CNTNAP2: variants seen among roughly 807,000 people sequenced by gnomAD.
The protein encoded by CNTNAP2 is contactin-associated protein-like 2.
CNTNAP2 carries 98 observed loss-of-function variants against 155.2 expected under a neutral mutation model. That is an observed-to-expected ratio of 0.63 (90% CI 0.54 to 0.75). CNTNAP2 has a LOEUF of 0.75. Ranked by LOEUF, CNTNAP2 falls within the 30% of genes least tolerant of loss-of-function variation. The pLI is 0.00. For synonymous variants in CNTNAP2, 651 were observed against 631.2 expected, an observed-to-expected ratio of 1.03 and a Z score of -0.47; for missense variants, 1,727 against 1,688.1, an observed-to-expected ratio of 1.02 and a Z score of -0.40.
chr7:147,145,005 T>TC (rs1393095969), intron 8 of CNTNAP2, among the ~76,000 whole-genome samples: 14 of 152,206 alleles, frequency 9.2e-5, no homozygotes, highest in African/African-American at 3.4e-4. Context: ...GTTTGAATGA[T>TC]TTAGAATAGA....
chr7:147,420,896 A>G (rs549507415), intron 10 of CNTNAP2, among the ~76,000 whole-genome samples: 1 of 152,142 alleles, frequency 6.6e-6, no homozygotes, highest in Non-Finnish European at 1.5e-5. Context: ...GTCCTCGGAG[A>G]ATACAAAATT....
chr7:147,983,469 A>C (rs1801568229), intron 15 of CNTNAP2, among the ~76,000 whole-genome samples: 1 of 45,258 alleles, frequency 2.2e-5, no homozygotes. Context: ...ATAAATAAAA[A>C]AGTACCCTGT....
chr7:146,518,116 T>C (rs761529811), intron 1 of CNTNAP2, among the ~76,000 whole-genome samples: 20 of 151,910 alleles, frequency 1.3e-4, no homozygotes, highest in Non-Finnish European at 2.2e-4. Flanking sequence ...TTCAGTTCAG[T>C]TTTAATTTTT....
intron 13 of CNTNAP2, among the ~76,000 whole-genome samples, chr7:147,854,178 C>T (rs553265800): frequency 6.6e-6 from 1 of 152,206 alleles, no homozygotes; most frequent in South Asian, 2.1e-4. Flanking sequence ...CTTCCTCTTT[C>T]TGAGGGAAAG....
chr7:146,711,203 C>T (rs1302829666), intron 1 of CNTNAP2, among the ~76,000 whole-genome samples: 1 of 148,518 alleles, frequency 6.7e-6, no homozygotes, highest in African/African-American at 2.5e-5. Flanking sequence ...TGTATACATA[C>T]ACACACATAC....
At chr7:148,081,305 G>A (rs2116547652) in intron 15 of CNTNAP2, among the ~76,000 whole-genome samples, 1 of 152,258 alleles carries the variant, frequency 6.6e-6, no homozygotes, top group East Asian at 1.9e-4. Flanking sequence ...TTGGATTGAA[G>A]GATGCAAAGT....
chr7:147,219,505 A>G (rs1803347188), intron 8 of CNTNAP2, among the ~76,000 whole-genome samples: 1 of 152,158 alleles, frequency 6.6e-6, no homozygotes, highest in Non-Finnish European at 1.5e-5. Context: ...AGGCCAGAAG[A>G]CTAAGCACAC....
At chr7:147,144,113 G>C (rs992286312) in intron 8 of CNTNAP2, among the ~76,000 whole-genome samples, 13 of 152,138 alleles carry the variant, frequency 8.5e-5, no homozygotes, top group African/African-American at 2.9e-4. Context: ...AACAGAGACT[G>C]TCCCTTTATT....
intron 15 of CNTNAP2, among the ~76,000 whole-genome samples, chr7:148,046,528 A>G (rs956031566): frequency 2.0e-5 from 3 of 152,038 alleles, no homozygotes; most frequent in African/African-American, 7.2e-5. Flanking sequence ...TGTAGTTACT[A>G]TCTGTTTTCC....
intron 1 of CNTNAP2, among the ~76,000 whole-genome samples, chr7:146,370,517 G>C (rs999019407): frequency 2.0e-5 from 3 of 151,788 alleles, no homozygotes; most frequent in Admixed American, 2.0e-4. Flanking sequence ...AATTAAATAT[G>C]TGTGCATTTT....
At chr7:146,428,010 G>C (rs1796117638) in intron 1 of CNTNAP2, among the ~76,000 whole-genome samples, 1 of 152,158 alleles carries the variant, frequency 6.6e-6, no homozygotes, top group Non-Finnish European at 1.5e-5. Context: ...TTCTGTTGCT[G>C]CATGAGTTTG....
At chr7:146,417,158 T>C (rs761129285) in intron 1 of CNTNAP2, among the ~76,000 whole-genome samples, 5 of 152,148 alleles carry the variant, frequency 3.3e-5, no homozygotes, top group Non-Finnish European at 5.9e-5. Flanking sequence ...TTAATTCTTG[T>C]CCATCCTTTA....
intron 8 of CNTNAP2, among the ~76,000 whole-genome samples, chr7:147,183,313 A>G (rs10500171): frequency 0.52 from 79,730 of 152,050 alleles, 21,513 homozygotes; most frequent in South Asian, 0.68. Flanking sequence ...TCACTGGCTA[A>G]CAGCTAAATA....
At chr7:148,235,791 A>G (rs989737572) in intron 20 of CNTNAP2, among the ~76,000 whole-genome samples, 1 of 149,116 alleles carries the variant, frequency 6.7e-6, no homozygotes, top group Non-Finnish European at 1.5e-5. Context: ...GTTCAAGTGA[A>G]TCTCCTGTGT....
chr7:148,240,618 T>G (rs1796128061), intron 20 of CNTNAP2, among the ~76,000 whole-genome samples: 1 of 152,130 alleles, frequency 6.6e-6, no homozygotes, highest in Non-Finnish European at 1.5e-5. Context: ...AGGACAGAAC[T>G]AATAGGATAG....
intron 3 of CNTNAP2, among the ~76,000 whole-genome samples, chr7:146,967,416 C>T (rs988518206): frequency 1.3e-5 from 2 of 152,116 alleles, no homozygotes; most frequent in African/African-American, 2.4e-5. Flanking sequence ...GCCATTTTCA[C>T]GATATTGATT....
At chr7:147,607,299 A>G (rs10275604) in intron 12 of CNTNAP2, among the ~76,000 whole-genome samples, 103,858 of 151,852 alleles carry the variant, frequency 0.68, 35,940 homozygotes, top group African/African-American at 0.78. Context: ...ACTTTGGTTC[A>G]CCTTTAGTTC....
chr7:146,562,084 C>G (rs569579619), intron 1 of CNTNAP2, among the ~76,000 whole-genome samples: 1 of 152,112 alleles, frequency 6.6e-6, no homozygotes, highest in Non-Finnish European at 1.5e-5. Context: ...CCGCTGCACC[C>G]GGCCCAAAAA....
chr7:147,260,384 C>T (rs1391374460), intron 8 of CNTNAP2, among the ~76,000 whole-genome samples: 1 of 152,096 alleles, frequency 6.6e-6, no homozygotes, highest in Non-Finnish European at 1.5e-5. Flanking sequence ...AAGCCTATAC[C>T]TCTGAGTCAA....
Sources: allele counts gnomAD v4.1 joint callset (sites outside exome capture counted in the v4.1 genomes callset), GRCh38; gene constraint gnomAD v4.1.1; transcripts MANE v1.5; gene names NCBI Gene and HGNC (gene_info 2026-07-23, HGNC 2026-07-21).